The following CD226 variants were observed in gnomAD, a reference collection of about 807,000 sequenced individuals.
CD226 encodes the protein CD226 antigen.
In CD226, 24 loss-of-function variants were observed where a neutral mutation model predicts 34.9. The observed-to-expected ratio is 0.69, with a 90% CI of 0.50 to 0.97. The LOEUF is 0.97. CD226 is among the 50% of genes least tolerant of loss of function. The pLI, the probability that CD226 is intolerant of heterozygous loss-of-function variation, is 0.00. For synonymous variants in CD226, 148 were observed against 147.4 expected (o/e 1.00, Z -0.03); for missense variants, 397 against 412.7 (o/e 0.96, Z 0.33).
At chr18:69,866,651 A>G (rs1983164627) in intron 5 of CD226, among the ~76,000 whole-genome samples, 1 of 152,154 alleles carries the variant, frequency 6.6e-6, no homozygotes, top group Admixed American at 6.5e-5. Flanking sequence ...TAAAAATATT[A>G]TGTCCTCTCC....
At chr18:69,881,244 TAATG>T (rs1489943945) in intron 3 of CD226, among the ~76,000 whole-genome samples, 2 of 152,212 alleles carry the variant, frequency 1.3e-5, no homozygotes, top group African/African-American at 4.8e-5. Flanking sequence ...AGATGGACCA[TAATG>T]AGTGAGTTCA....
chr18:69,957,330 G>A (rs566387712), upstream of CD226, among the ~76,000 whole-genome samples: 60 of 148,070 alleles, frequency 4.1e-4, no homozygotes, highest in Admixed American at 1.1e-3. Flanking sequence ...AGTATGTTTC[G>A]GTCTTACTTT....
intron 2 of CD226, among the ~76,000 whole-genome samples, chr18:69,905,301 C>T (rs779706307): frequency 3.3e-5 from 5 of 151,454 alleles, no homozygotes; most frequent in Admixed American, 6.6e-5. Context: ...AATTAGAAAT[C>T]AATTTCTGCA....
intron 2 of CD226, among the ~76,000 whole-genome samples, chr18:69,944,219 T>C (rs1341950705): frequency 6.6e-6 from 1 of 152,216 alleles, no homozygotes; most frequent in East Asian, 1.9e-4. Flanking sequence ...TGCATCAATC[T>C]GCTCTTTAAA....
intron 2 of CD226, among the ~76,000 whole-genome samples, chr18:69,900,444 T>A (rs1025465471): frequency 6.6e-6 from 1 of 152,154 alleles, no homozygotes; most frequent in East Asian, 1.9e-4. Flanking sequence ...TTTTTAAAAA[T>A]TTTTCTGGCC....
chr18:69,919,301 T>C (rs762137968), intron 2 of CD226, among the ~76,000 whole-genome samples: 5 of 152,134 alleles, frequency 3.3e-5, no homozygotes, highest in Non-Finnish European at 7.4e-5. Context: ...ACCCAGGCAA[T>C]TTAAACATTC....
chr18:69,926,292 C>T (rs1471272375), intron 2 of CD226, among the ~76,000 whole-genome samples: 5 of 151,974 alleles, frequency 3.3e-5, no homozygotes, highest in South Asian at 2.1e-4. Flanking sequence ...TATTTCTTCT[C>T]GGGACCTTTG....
At chr18:69,922,397 T>G (rs952153973) in intron 2 of CD226, among the ~76,000 whole-genome samples, 6 of 152,182 alleles carry the variant, frequency 3.9e-5, no homozygotes, top group African/African-American at 1.4e-4. Flanking sequence ...TCCTCCTGCC[T>G]CAGCCTCCCA....
At chr18:69,923,728 C>G (rs371675788) in intron 2 of CD226, among the ~76,000 whole-genome samples, 1 of 151,956 alleles carries the variant, frequency 6.6e-6, no homozygotes, top group Non-Finnish European at 1.5e-5. Flanking sequence ...CCGAGGCGGG[C>G]GGATCACGAG....
intron 3 of CD226, among the ~76,000 whole-genome samples, chr18:69,881,325 A>G (rs1190045266): frequency 6.6e-6 from 1 of 152,218 alleles, no homozygotes; most frequent in African/African-American, 2.4e-5. Flanking sequence ...TTGACCTTCT[A>G]TATAATGTAA....
chr18:69,956,399 C>G (rs1327794225), intron 1 of CD226, among the ~76,000 whole-genome samples: 3 of 152,212 alleles, frequency 2.0e-5, no homozygotes, highest in Non-Finnish European at 2.9e-5. Context: ...CATCCTTGTT[C>G]AGTCTTGCTG....
At chr18:69,882,158 C>A (rs1287093644) in intron 3 of CD226, among the ~76,000 whole-genome samples, 1 of 152,156 alleles carries the variant, frequency 6.6e-6, no homozygotes, top group African/African-American at 2.4e-5. Context: ...CATTATAGAG[C>A]AAACCAGTGA....
At chr18:69,885,673 G>C (rs187258678) in intron 3 of CD226, among the ~76,000 whole-genome samples, 8 of 152,270 alleles carry the variant, frequency 5.3e-5, no homozygotes, top group Non-Finnish European at 8.8e-5. Context: ...TACTCCTAAA[G>C]TTCCCCTAAT....
At chr18:69,918,901 G>T (rs75932082) in intron 2 of CD226, among the ~76,000 whole-genome samples, 4,359 of 152,300 alleles carry the variant, frequency 0.029, 81 homozygotes, top group Non-Finnish European at 0.046. Context: ...GACTGAATGT[G>T]TGGGGCAGGC....
At chr18:69,901,456 G>A (rs2055181428) in intron 2 of CD226, among the ~76,000 whole-genome samples, 2 of 152,168 alleles carry the variant, frequency 1.3e-5, no homozygotes, top group African/African-American at 4.8e-5. Context: ...GAGAGTGTGA[G>A]AAATAGAGAA....
chr18:69,954,369 T>G (rs567462921), intron 1 of CD226, among the ~76,000 whole-genome samples: 1 of 152,328 alleles, frequency 6.6e-6, no homozygotes, highest in South Asian at 2.1e-4. Context: ...TTTAAGATAT[T>G]TTTAAAAATC....
chr18:69,865,287 G>C (rs1468164890), intron 5 of CD226, among the ~76,000 whole-genome samples: 1 of 152,128 alleles, frequency 6.6e-6, no homozygotes, highest in East Asian at 1.9e-4. Context: ...ACCATGACCA[G>C]CCAGATGTTA....
At chr18:69,880,355 A>AG (rs58031276) in intron 3 of CD226, among the ~76,000 whole-genome samples, 10,885 of 67,128 alleles carry the variant, frequency 0.16, 530 homozygotes, top group Admixed American at 0.2. Flanking sequence ...AAAGAAAGAA[A>AG]GAAAGGAAGG....
In CD226 at chr18:69,876,161, G is replaced by A. The variant is rs75397711; in HGVS notation, c.728-2915C>T. On this transcript the variant is annotated intron_variant, in intron 3 of 5. Coordinates refer to ENST00000582621, the MANE Select transcript of CD226 (RefSeq NM_001303618.2). Reference sequence around the variant, plus strand: ...TTTATATTTTCCAAATTTTCTAGACGATGTGTTCATTTTGTGATCAGGCAA... The same window carrying A: ...TTTATATTTTCCAAATTTTCTAGACAATGTGTTCATTTTGTGATCAGGCAA... Among the ~76,000 whole-genome samples the A allele has an allele frequency of 4.5e-3, 686 of 152,008 alleles. 11 individuals carry two copies. Among genetic ancestry groups the A allele is most frequent in the African/African-American group, 0.016 (659 of 41,442 alleles).
Sources: gnomAD v4.1 joint callset for allele counts (sites outside exome capture counted in the v4.1 genomes callset) on GRCh38, gnomAD v4.1.1 for gene constraint, MANE v1.5 for transcripts, NCBI Gene and HGNC (gene_info 2026-07-23, HGNC 2026-07-21) for gene names.